Variants in PPP2R5A observed in about 807,000 individuals in gnomAD.
The protein encoded by PPP2R5A is serine/threonine-protein phosphatase 2A 56 kDa regulatory subunit alpha isoform.
In PPP2R5A, 25 loss-of-function variants were observed where a neutral mutation model predicts 64.2. That is an observed-to-expected ratio of 0.39 (90% CI 0.28 to 0.54). The LOEUF (loss-of-function observed/expected upper bound fraction) is 0.54, where lower values mean the gene tolerates loss of function less well. PPP2R5A is among the 20% of genes least tolerant of loss of function. The pLI is 0.67. For synonymous variants in PPP2R5A, 198 were observed against 201.2 expected (o/e 0.98, Z 0.13); for missense variants, 425 against 576.3 (o/e 0.74, Z 2.69).
Position 212,355,639 on chromosome 1 carries a change from A to T in PPP2R5A, c.928-987A>T, listed in dbSNP as rs995379104. On this transcript the variant is annotated intron_variant, in intron 8 of 12. Transcript: ENST00000261461. ...GAATATATAGTCAATTAAAAATGTC[A>T]AATGACTTGAAAATCTTTTAAAATG... 7.2e-5 allele frequency among the ~76,000 whole-genome samples: 11 copies of T among 151,938 alleles called. No individual in the cohort carries two copies. The East Asian group carries it at 2.1e-3, about 29-fold the overall frequency.
chr1:212,308,483 A>G (rs1351500329), intron 1 of PPP2R5A, among the ~76,000 whole-genome samples: 1 of 148,054 alleles, frequency 6.8e-6, no homozygotes, highest in Non-Finnish European at 1.5e-5. Context: ...ATCTTGGCTC[A>G]CTGCAACCTG....
At chr1:212,353,768 T>C (rs1659928058) in intron 8 of PPP2R5A, among the ~76,000 whole-genome samples, 1 of 152,216 alleles carries the variant, frequency 6.6e-6, no homozygotes, top group African/African-American at 2.4e-5. Flanking sequence ...ATAATTCAAT[T>C]GGCATTTGAT....
chr1:212,326,849 A>G (rs1426324479), intron 1 of PPP2R5A, among the ~76,000 whole-genome samples: 1 of 152,234 alleles, frequency 6.6e-6, no homozygotes, highest in Non-Finnish European at 1.5e-5. Context: ...TTTTACTTCA[A>G]AAATCATGTG....
chr1:212,345,538 A>C (rs1376382850), intron 4 of PPP2R5A, among the ~76,000 whole-genome samples: 1 of 152,218 alleles, frequency 6.6e-6, no homozygotes, highest in Non-Finnish European at 1.5e-5. Flanking sequence ...TTGAATTTTA[A>C]AATCAGTGGG....
intron 1 of PPP2R5A, among the ~76,000 whole-genome samples, chr1:212,320,741 T>A (rs1219713448): frequency 1.2e-3 from 112 of 94,318 alleles, no homozygotes; most frequent in Middle Eastern, 0.01. Flanking sequence ...GGGGCTCCTC[T>A]CTTCCCAGTA....
chr1:212,344,355 T>C (rs1659737480), intron 4 of PPP2R5A, among the ~76,000 whole-genome samples: 1 of 152,222 alleles, frequency 6.6e-6, no homozygotes, highest in Non-Finnish European at 1.5e-5. Flanking sequence ...TATTTTTTGC[T>C]GGAGTCTCAT....
rs115120600 is a variant in PPP2R5A at position 212,341,366 on chromosome 1, T to C, written c.481-822T>C. On this transcript the variant is annotated intron_variant, in intron 3 of 12. Coordinates refer to ENST00000261461, the MANE Select transcript of PPP2R5A (RefSeq NM_006243.4). The stretch of plus-strand genomic sequence containing the variant: ...GTGGATAGGATATGCCTGGTTTTGA[T>C]TTAATTAGTTTTCCCACTGTAGTTT... Among the ~76,000 whole-genome samples the C allele has an allele frequency of 6.6e-3, 999 of 152,304 alleles. 2 individuals carry two copies. Among genetic ancestry groups the C allele is most frequent in the Middle Eastern group, 0.027 (8 of 294 alleles).
At chr1:212,328,845 G>A (rs1659451421) in intron 1 of PPP2R5A, among the ~76,000 whole-genome samples, 1 of 152,166 alleles carries the variant, frequency 6.6e-6, no homozygotes, top group South Asian at 2.1e-4. Flanking sequence ...CACTACTCTG[G>A]AGGCTGAGGC....
At chr1:212,335,639 A>T (rs1659581103) in intron 3 of PPP2R5A, among the ~76,000 whole-genome samples, 1 of 152,224 alleles carries the variant, frequency 6.6e-6, no homozygotes, top group African/African-American at 2.4e-5. Flanking sequence ...GTGAAAGCTG[A>T]TAATGGTTTT....
rs201354858 is a variant in PPP2R5A at position 212,333,469 on chromosome 1, C to T, written c.379-28C>T. 1.6e-5 allele frequency: 22 copies of T among 1,386,222 alleles called. 1 individual carries two copies. The highest frequency in any genetic ancestry group is 1.4e-4 in the South Asian group (10 of 70,816). The allele number at this position is 1,386,222 out of a possible 1,614,324, so 85.9% of individuals were successfully genotyped here. On this transcript the variant is annotated intron_variant, in intron 2 of 12. Coordinates refer to ENST00000261461, the MANE Select transcript of PPP2R5A (RefSeq NM_006243.4). ...TCCAATTCAATTACACATACAACAA[C>T]GAACGTAAAATTATTTTTTCTTTAC...
intron 1 of PPP2R5A, among the ~76,000 whole-genome samples, chr1:212,295,621 A>G (rs560801170): frequency 1.8e-4 from 28 of 152,326 alleles, no homozygotes; most frequent in African/African-American, 6.5e-4. Context: ...TACAACCAAG[A>G]GCCAAGAGAG....
intron 1 of PPP2R5A, among the ~76,000 whole-genome samples, chr1:212,297,096 CTTTTTTTTTTTTTTTTTTT>C (rs869112186): frequency 1.5e-4 from 12 of 82,666 alleles, no homozygotes; most frequent in South Asian, 4.9e-4. Context: ...TTTGCTTCTT[CTTTTTTTTTTTTTTTTTTT>C]TTTTTTTTTT....
At chr1:212,290,900 A>G (rs1011154423) in intron 1 of PPP2R5A, among the ~76,000 whole-genome samples, 1 of 152,220 alleles carries the variant, frequency 6.6e-6, no homozygotes, top group Non-Finnish European at 1.5e-5. Flanking sequence ...TCTTGATAAA[A>G]TAACAAAGAT....
intron 7 of PPP2R5A, 96 bp downstream of exon 7, chr1:212,348,593 T>C: frequency 1.1e-6 from 1 of 920,722 alleles, no homozygotes; most frequent in Non-Finnish European, 1.6e-6. Flanking sequence ...CAGTTTTAAG[T>C]ATAATTAAGC....
At chr1:212,320,949 CGCCTCCCTCCCGG>C (rs1659271819) in intron 1 of PPP2R5A, among the ~76,000 whole-genome samples, 2 of 107,528 alleles carry the variant, frequency 1.9e-5, no homozygotes, top group Non-Finnish European at 4.0e-5. Flanking sequence ...CTGACCCCCC[CGCCTCCCTCCCGG>C]ACGGGGCGGC....
At chr1:212,349,044 TTTCA>T (rs1359517570) in intron 7 of PPP2R5A, 141 bp from the exon 8 acceptor site, 8 of 456,720 alleles carry the variant, frequency 1.8e-5, no homozygotes, top group Admixed American at 8.4e-5. Flanking sequence ...TATTTCACAA[TTTCA>T]TTCACAGTTG....
At chr1:212,298,873 G>A (rs1441687997) in intron 1 of PPP2R5A, among the ~76,000 whole-genome samples, 40 of 37,726 alleles carry the variant, frequency 1.1e-3, no homozygotes, top group Non-Finnish European at 1.1e-3. Flanking sequence ...CTGGCCAGGC[G>A]GGGGGCTGAC....
intron 1 of PPP2R5A, among the ~76,000 whole-genome samples, chr1:212,298,884 C>A (rs1423779042): frequency 6.0e-3 from 229 of 38,128 alleles, no homozygotes; most frequent in Non-Finnish European, 7.1e-3. Context: ...GGGGGCTGAC[C>A]CCCCACCTCC....
chr1:212,321,129 A>T (rs1571591282), intron 1 of PPP2R5A, among the ~76,000 whole-genome samples: 1 of 124,200 alleles, frequency 8.1e-6, no homozygotes, highest in Non-Finnish European at 1.7e-5. Context: ...CTCTCTTCCC[A>T]GTAGGGGCGG....
Sources: gnomAD v4.1 joint callset for allele counts (sites outside exome capture counted in the v4.1 genomes callset) on GRCh38, gnomAD v4.1.1 for gene constraint, MANE v1.5 for transcripts, NCBI Gene and HGNC (gene_info 2026-07-23, HGNC 2026-07-21) for gene names.